TG: variants seen among roughly 807,000 people sequenced by gnomAD.
TG encodes thyroid hormones.
TG carries 270 observed loss-of-function variants against 324.7 expected under a neutral mutation model. That is an observed-to-expected ratio of 0.83 (90% CI 0.75 to 0.92). The LOEUF (loss-of-function observed/expected upper bound fraction) is 0.92, where lower values mean the gene tolerates loss of function less well. TG is among the 40% of genes least tolerant of loss of function. TG has a pLI of 0.00. For synonymous variants in TG, 1,401 were observed against 1,327.0 expected, an observed-to-expected ratio of 1.06 and a Z score of -1.21; for missense variants, 3,591 against 3,456.4, an observed-to-expected ratio of 1.04 and a Z score of -0.98.
chr8:132,960,687 C>T (rs16904796), intron 27 of TG, among the ~76,000 whole-genome samples: 6,200 of 152,130 alleles, frequency 0.041, 423 homozygotes, highest in African/African-American at 0.14. Context: ...TCACACAGCC[C>T]TCGAGTGTCC....
intron 41 of TG, among the ~76,000 whole-genome samples, chr8:133,072,085 G>A (rs936157069): frequency 1.3e-5 from 2 of 152,070 alleles, no homozygotes; most frequent in African/African-American, 4.8e-5. Flanking sequence ...CACTTTCTTC[G>A]GAAGCTCTTT....
chr8:132,980,656 A>G (rs950412577), intron 34 of TG, among the ~76,000 whole-genome samples: 4 of 152,166 alleles, frequency 2.6e-5, no homozygotes, highest in Non-Finnish European at 4.4e-5. Flanking sequence ...TGTGATTGGT[A>G]TCTGAAGTGG....
intron 36 of TG, 56 bp downstream of exon 36, chr8:133,012,091 G>T (rs1488917506): frequency 6.2e-7 from 1 of 1,611,050 alleles, no homozygotes; most frequent in Non-Finnish European, 8.5e-7. Context: ...CACAAGTGCT[G>T]CTCAAGATTC....
intron 25 of TG, among the ~76,000 whole-genome samples, chr8:132,940,099 A>C (rs1041634178): frequency 2.6e-5 from 4 of 152,098 alleles, no homozygotes; most frequent in Non-Finnish European, 5.9e-5. Flanking sequence ...TGGCAGGGTG[A>C]CCTCAGATCT....
chr8:132,956,028 T>C (rs534418702), intron 27 of TG, among the ~76,000 whole-genome samples: 2 of 152,308 alleles, frequency 1.3e-5, no homozygotes, highest in Admixed American at 6.5e-5. Context: ...GGGGAAGAAA[T>C]GAAAGTATTT....
intron 25 of TG, among the ~76,000 whole-genome samples, chr8:132,938,290 A>G (rs1009402154): frequency 2.0e-5 from 3 of 151,878 alleles, no homozygotes; most frequent in African/African-American, 7.3e-5. Flanking sequence ...GTCACCCAAT[A>G]CCCTCTGCTG....
At chr8:133,055,363 GCGCA>G (rs1328262703) in intron 41 of TG, among the ~76,000 whole-genome samples, 951 of 31,980 alleles carry the variant, frequency 0.03, 11 homozygotes, top group Middle Eastern at 0.15. Flanking sequence ...ACACGCACGC[GCGCA>G]CACACACACA....
chr8:133,019,410 G>T (rs186449427), intron 38 of TG, among the ~76,000 whole-genome samples, 192 bp from the exon 39 acceptor site: 1 of 152,338 alleles, frequency 6.6e-6, no homozygotes, highest in Non-Finnish European at 1.5e-5. Flanking sequence ...CCAGAGAGCG[G>T]TGGGCACTCT....
Position 132,906,701 on chromosome 8 carries a change from G to T in TG, c.3648G>T (p.Pro1216=). 6.2e-7 allele frequency: 1 copy of T among 1,614,084 alleles called. No individual in the cohort carries two copies. Among genetic ancestry groups the T allele is most frequent in the East Asian group, 2.2e-5 (1 of 44,862 alleles). Residue 1216 remains proline, a synonymous_variant, in exon 17 of 48, where the codon CCG becomes CCT. Coordinates refer to ENST00000220616, the MANE Select transcript of TG (RefSeq NM_003235.5). ...TCCTTCTCCCAGGCCCGCGGTGTCC[G>T]CTGCCATTCAACGCGTCGGAGGTGG... is the stretch of plus-strand genomic sequence containing the variant. ...GQPACESPRC[P]LPFNASEVVG...
intron 35 of TG, among the ~76,000 whole-genome samples, chr8:133,008,623 C>A (rs887576385): frequency 2.0e-5 from 3 of 152,228 alleles, no homozygotes; most frequent in African/African-American, 7.2e-5. Flanking sequence ...GAGGGGAAGT[C>A]TGTGATGTAC....
intron 39 of TG, among the ~76,000 whole-genome samples, chr8:133,020,461 C>T (rs1368250541): frequency 1.3e-5 from 2 of 152,184 alleles, no homozygotes; most frequent in Admixed American, 6.5e-5. Context: ...GCCAAACGGC[C>T]TTTTCCCTTG....
chr8:133,082,757 T>G (rs571259207), intron 41 of TG, among the ~76,000 whole-genome samples: 1 of 152,366 alleles, frequency 6.6e-6, no homozygotes, highest in East Asian at 1.9e-4. Flanking sequence ...AGCATTATGA[T>G]GACTTTTATT....
chr8:132,991,003 G>A (rs1003604533), intron 35 of TG, among the ~76,000 whole-genome samples: 2 of 151,306 alleles, frequency 1.3e-5, no homozygotes, highest in African/African-American at 2.4e-5. Context: ...GGCTGAGGGA[G>A]AAGTTGAACC....
chr8:133,083,822 C>T (rs1213341604), intron 41 of TG, among the ~76,000 whole-genome samples: 1 of 152,098 alleles, frequency 6.6e-6, no homozygotes, highest in Non-Finnish European at 1.5e-5. Context: ...CATCCAGTGC[C>T]CTGCTGCCCC....
At chr8:132,990,886 C>T (rs1326171471) in intron 35 of TG, among the ~76,000 whole-genome samples, 1 of 150,510 alleles carries the variant, frequency 6.6e-6, no homozygotes, top group Non-Finnish European at 1.5e-5. Flanking sequence ...GGGAATCATA[C>T]TCTGAGATGA....
At chr8:133,043,079 G>T (rs192296968) in intron 41 of TG, among the ~76,000 whole-genome samples, 1 of 152,290 alleles carries the variant, frequency 6.6e-6, no homozygotes, top group East Asian at 1.9e-4. Context: ...ATAGGAAACA[G>T]TTCCGGTTTT....
chr8:132,957,768 C>CACACACACAG (rs1554680153), intron 27 of TG, among the ~76,000 whole-genome samples: 21 of 144,888 alleles, frequency 1.4e-4, no homozygotes, highest in Admixed American at 2.7e-4. Flanking sequence ...CACACACACA[C>CACACACACAG]ACACACACAC....
At chr8:133,068,147 G>A (rs1188765822) in intron 41 of TG, among the ~76,000 whole-genome samples, 1 of 152,186 alleles carries the variant, frequency 6.6e-6, no homozygotes, top group African/African-American at 2.4e-5. Context: ...CAAGGGAAAG[G>A]CTCAGAGAGG....
In TG at chr8:132,911,420, ACTC is replaced by A. The variant is rs1234063485; in HGVS notation, c.4050_4052del (p.Ser1351del). 52 of 1,613,868 alleles carry A rather than the reference ACTC, an allele frequency of 3.2e-5. No homozygotes were observed. Among genetic ancestry groups the A allele is most frequent in the Non-Finnish European group, 4.2e-5 (50 of 1,180,006 alleles). ...CTGGTTTCCATTCCTGTCTGCAACA[ACTC>A]CTCTGTGCAGGTGGGTTGTCTGACC... On this transcript the variant is annotated inframe_deletion, in exon 19 of 48. Transcript: ENST00000220616.
Sources: gnomAD v4.1 joint callset for allele counts (sites outside exome capture counted in the v4.1 genomes callset) on GRCh38, gnomAD v4.1.1 for gene constraint, MANE v1.5 for transcripts, NCBI Gene and HGNC (gene_info 2026-07-23, HGNC 2026-07-21) for gene names.